The following MBNL1 variants were observed in gnomAD, a reference collection of about 807,000 sequenced individuals.
MBNL1 encodes the protein muscleblind-like protein 1.
MBNL1 carries 8 observed loss-of-function variants against 42.2 expected under a neutral mutation model. The ratio of observed to expected loss-of-function variants is 0.19; its 90% CI spans 0.11 to 0.34. The LOEUF (loss-of-function observed/expected upper bound fraction) is 0.34, where lower values mean the gene tolerates loss of function less well. MBNL1 is among the 10% of genes least tolerant of loss of function. The pLI, the probability that MBNL1 is intolerant of heterozygous loss-of-function variation, is 1.00. For missense variants in MBNL1, 309 were observed against 495.3 expected (o/e 0.62, Z 3.57); for synonymous variants, 169 against 173.9 (o/e 0.97, Z 0.22).
At chr3:152,259,641 G>A (rs953048627) in intron 2 of MBNL1, among the ~76,000 whole-genome samples, 1 of 152,198 alleles carries the variant, frequency 6.6e-6, no homozygotes, top group Non-Finnish European at 1.5e-5. Context: ...GCAACAGCAA[G>A]AGCATAGTAC....
intron 1 of MBNL1, among the ~76,000 whole-genome samples, chr3:152,289,540 G>C (rs2150923380): frequency 6.6e-6 from 1 of 152,024 alleles, no homozygotes; most frequent in South Asian, 2.1e-4. Flanking sequence ...GTGTTAGTCA[G>C]TGAAAACATT....
chr3:152,389,886 T>G (rs2097615881), intron 2 of MBNL1, among the ~76,000 whole-genome samples: 1 of 152,166 alleles, frequency 6.6e-6, no homozygotes, highest in Non-Finnish European at 1.5e-5. Context: ...TTTATTTATT[T>G]ATTTTTTGAG....
intron 2 of MBNL1, among the ~76,000 whole-genome samples, chr3:152,332,518 GTAAA>G (rs1560179902): frequency 1.3e-5 from 2 of 152,112 alleles, no homozygotes; most frequent in Non-Finnish European, 2.9e-5. Context: ...ATAATTGAAG[GTAAA>G]TAAACTGTAA....
intron 7 of MBNL1, among the ~76,000 whole-genome samples, chr3:152,455,810 G>C (rs1009084796): frequency 3.3e-5 from 5 of 152,060 alleles, no homozygotes; most frequent in African/African-American, 1.2e-4. Flanking sequence ...TGGACTATGA[G>C]TTCTGGTGTG....
chr3:152,373,341 G>GAAAAAAAA (rs35536807), intron 2 of MBNL1, among the ~76,000 whole-genome samples: 1 of 90,530 alleles, frequency 1.1e-5, no homozygotes. Context: ...CTGGGGTATG[G>GAAAAAAAA]AAAAAAAAAA....
At chr3:152,329,005 T>C (rs1362843330) in intron 2 of MBNL1, among the ~76,000 whole-genome samples, 1 of 151,928 alleles carries the variant, frequency 6.6e-6, no homozygotes, top group African/African-American at 2.4e-5. Flanking sequence ...GTAAACATTA[T>C]GCAACATGAA....
chr3:152,458,437 T>C (rs1178460245), intron 8 of MBNL1: 1 of 493,206 alleles, frequency 2.0e-6, no homozygotes, highest in Admixed American at 3.4e-5. Flanking sequence ...GGGATTAGTA[T>C]CATTTTATAG....
At chr3:152,375,663 C>G (rs1422682120) in intron 2 of MBNL1, among the ~76,000 whole-genome samples, 1 of 151,870 alleles carries the variant, frequency 6.6e-6, no homozygotes, top group African/African-American at 2.4e-5. Flanking sequence ...ACAAACAAAA[C>G]AAAAAAGTTA....
intron 2 of MBNL1, chr3:152,335,137 G>C (rs1306540583): frequency 3.1e-6 from 4 of 1,289,304 alleles, no homozygotes; most frequent in African/African-American, 1.5e-5. Flanking sequence ...GTTGTTTAAG[G>C]GGAACCTTCT....
intron 3 of MBNL1, among the ~76,000 whole-genome samples, chr3:152,423,189 T>C (rs575730372): frequency 1.1e-4 from 16 of 151,902 alleles, no homozygotes; most frequent in African/African-American, 3.4e-4. Context: ...AATAGATGGA[T>C]CACTAGCCAG....
chr3:152,287,573 G>A (rs1006054793), intron 1 of MBNL1, among the ~76,000 whole-genome samples: 1 of 152,130 alleles, frequency 6.6e-6, no homozygotes, highest in Non-Finnish European at 1.5e-5. Flanking sequence ...TCCTCAGTAG[G>A]TCTAGGGTAG....
At chr3:152,290,252 G>C (rs891028355) in intron 1 of MBNL1, among the ~76,000 whole-genome samples, 1 of 151,828 alleles carries the variant, frequency 6.6e-6, no homozygotes, top group Non-Finnish European at 1.5e-5. Context: ...GAACAGTGTG[G>C]CAACTATTAA....
chr3:152,291,176 A>G (rs2055752500), intron 1 of MBNL1, among the ~76,000 whole-genome samples: 1 of 152,146 alleles, frequency 6.6e-6, no homozygotes, highest in Non-Finnish European at 1.5e-5. Context: ...GTTTTATCTC[A>G]TTATACCTTC....
At chr3:152,303,203 A>C (rs559699729) in intron 2 of MBNL1, among the ~76,000 whole-genome samples, 1 of 152,286 alleles carries the variant, frequency 6.6e-6, no homozygotes, top group East Asian at 1.9e-4. Flanking sequence ...AGAAGTCTGT[A>C]TCGTAATAAA....
intron 2 of MBNL1, among the ~76,000 whole-genome samples, chr3:152,405,964 C>T (rs2098417362): frequency 6.6e-6 from 1 of 152,056 alleles, no homozygotes; most frequent in Admixed American, 6.6e-5. Flanking sequence ...AATAATGAAG[C>T]AATTTAAAAA....
intron 4 of MBNL1, 36 bp downstream of exon 4, chr3:152,432,956 T>C (rs2099025474): frequency 6.5e-7 from 1 of 1,545,904 alleles, no homozygotes; most frequent in African/African-American, 1.4e-5. Context: ...ATATACTACA[T>C]TCTAATTCTC....
chr3:152,366,386 A>C (rs950056314), intron 2 of MBNL1, among the ~76,000 whole-genome samples: 1 of 152,130 alleles, frequency 6.6e-6, no homozygotes, highest in Non-Finnish European at 1.5e-5. Flanking sequence ...ATGTTACTCC[A>C]TTTCAATCCA....
chr3:152,341,516 T>G (rs2093213411), intron 2 of MBNL1, among the ~76,000 whole-genome samples: 1 of 152,206 alleles, frequency 6.6e-6, no homozygotes, highest in South Asian at 2.1e-4. Context: ...AGTCATAATT[T>G]CTATAAGAAT....
At chr3:152,431,305 A>C (rs2099004035) in intron 3 of MBNL1, among the ~76,000 whole-genome samples, 1 of 152,240 alleles carries the variant, frequency 6.6e-6, no homozygotes, top group Non-Finnish European at 1.5e-5. Context: ...CCTGAGAGGC[A>C]AAATAACTCA....
Sources: gnomAD v4.1 joint callset for allele counts (sites outside exome capture counted in the v4.1 genomes callset) on GRCh38, gnomAD v4.1.1 for gene constraint, MANE v1.5 for transcripts, NCBI Gene and HGNC (gene_info 2026-07-23, HGNC 2026-07-21) for gene names.